LIMS1: variants seen among roughly 807,000 people sequenced by gnomAD.
The protein encoded by LIMS1 is LIM zinc finger domain containing 1, also known as LIM and senescent cell antigen-like-containing domain protein 1.
Under a neutral mutation model 44.1 loss-of-function variants are expected in LIMS1, and 18 were observed. The observed-to-expected ratio is 0.41, with a 90% CI of 0.28 to 0.61. The LOEUF (loss-of-function observed/expected upper bound fraction) is 0.61. Among genes scored for constraint, LIMS1 ranks in the 20% least tolerant of loss-of-function variants. The probability of loss-of-function intolerance (pLI) is 0.32; values close to 1 mark genes in which losing one functional copy is unlikely to be tolerated. For missense variants in LIMS1, 201 were observed against 422.0 expected, an observed-to-expected ratio of 0.48 and a Z score of 4.59; for synonymous variants, 93 against 149.1, an observed-to-expected ratio of 0.62 and a Z score of 2.74.
intron 1 of LIMS1, among the ~76,000 whole-genome samples, chr2:108,547,698 C>T (rs893309609): frequency 3.3e-5 from 5 of 152,314 alleles, no homozygotes; most frequent in African/African-American, 9.6e-5. Flanking sequence ...TCATTCTCCA[C>T]TTTCAAATTT....
intron 1 of LIMS1, among the ~76,000 whole-genome samples, chr2:108,542,043 A>G (rs1034110454): frequency 4.6e-5 from 7 of 152,244 alleles, no homozygotes; most frequent in Admixed American, 2.0e-4. Flanking sequence ...CAAGCTGCAC[A>G]GTAGGCTTTA....
chr2:108,557,845 A>T (rs1297751070), intron 1 of LIMS1, among the ~76,000 whole-genome samples: 1 of 152,214 alleles, frequency 6.6e-6, no homozygotes, highest in African/African-American at 2.4e-5. Flanking sequence ...CAAAGATTTA[A>T]GTGAACATGA....
intron 1 of LIMS1, among the ~76,000 whole-genome samples, chr2:108,624,243 C>T (rs796349465): frequency 9.2e-5 from 14 of 152,358 alleles, no homozygotes; most frequent in African/African-American, 3.4e-4. Context: ...CATGTACCTA[C>T]ACTTACTCCT....
In LIMS1 at chr2:108,680,615, T is replaced by C; in HGVS notation, c.824-80T>C. On this transcript the variant is annotated intron_variant, in intron 8 of 9. Transcript: ENST00000544547. ...CCACAGACACAGTCGTAGTTCTGTT[T>C]TGGAGTTGAAATTCTAAGCTGCCCT... 4 of 1,609,804 alleles carry C rather than the reference T, an allele frequency of 2.5e-6. No homozygotes were observed. In the South Asian group the frequency reaches 3.3e-5, roughly 13 times the overall value.
At chr2:108,607,055 G>T in intron 1 of LIMS1, 1 of 620,230 alleles carries the variant, frequency 1.6e-6, no homozygotes, top group Non-Finnish European at 2.8e-6. Context: ...TTAGGAGGTG[G>T]AGCCTTTGGA....
In LIMS1 at chr2:108,663,745, TTTTTTA is replaced by T. The variant is rs552882557; in HGVS notation, c.192+3999_192+4004del. 6.4e-3 allele frequency among the ~76,000 whole-genome samples: 969 copies of T among 152,104 alleles called. 10 individuals carry two copies. Among genetic ancestry groups the T allele is most frequent in the African/African-American group, 0.021 (875 of 41,532 alleles). ...TAACAGTAAAGACCCATTTTTTTAATTTTTTATTTTTATTTTTATTTTTTTTGAGAC... is the reference window on the plus strand; with the variant it reads ...TAACAGTAAAGACCCATTTTTTTAATTTTTTATTTTTATTTTTTTTGAGAC... On this transcript the variant is annotated intron_variant, in intron 2 of 9. Coordinates refer to ENST00000544547, the Ensembl canonical transcript of LIMS1.
intron 1 of LIMS1, among the ~76,000 whole-genome samples, chr2:108,566,555 T>A (rs577177307): frequency 3.9e-5 from 6 of 152,338 alleles, no homozygotes; most frequent in African/African-American, 9.6e-5. Flanking sequence ...CAGTGTATCA[T>A]GCTGCTGTTG....
At chr2:108,669,146 C>G (rs927778795) in intron 2 of LIMS1, among the ~76,000 whole-genome samples, 1 of 152,220 alleles carries the variant, frequency 6.6e-6, no homozygotes, top group African/African-American at 2.4e-5. Context: ...GTAGCTCACA[C>G]CTGTAATCCC....
chr2:108,541,879 T>A (rs559712444), intron 1 of LIMS1, among the ~76,000 whole-genome samples: 12 of 152,354 alleles, frequency 7.9e-5, no homozygotes, highest in African/African-American at 2.9e-4. Context: ...GCTTTTTCTG[T>A]TTTCCCAAAG....
intron 1 of LIMS1, among the ~76,000 whole-genome samples, chr2:108,589,785 C>T (rs555897401): frequency 6.6e-6 from 1 of 151,866 alleles, no homozygotes; most frequent in Admixed American, 6.6e-5. Context: ...TTTTCTTTAT[C>T]TCGATAGTTG....
At chr2:108,673,247 G>C in intron 5 of LIMS1, 1 of 668,916 alleles carries the variant, frequency 1.5e-6, no homozygotes, top group Non-Finnish European at 2.5e-6. Context: ...TGTGTATACA[G>C]TCCACATTCT....
intron 1 of LIMS1, among the ~76,000 whole-genome samples, chr2:108,549,279 CTTTTTTTTTTTTT>C (rs71381966): frequency 1.0e-3 from 58 of 55,798 alleles, no homozygotes; most frequent in Non-Finnish European, 1.2e-3. Context: ...TAAAGTGTTT[CTTTTTTTTTTTTT>C]TTTTTTTTTT....
intron 1 of LIMS1, among the ~76,000 whole-genome samples, chr2:108,582,148 AG>A (rs1401940108): frequency 1.3e-5 from 2 of 152,218 alleles, no homozygotes; most frequent in African/African-American, 4.8e-5. Context: ...CGGTTCCCTT[AG>A]GTACTTCAGT....
At chr2:108,562,709 T>A (rs886765096) in intron 1 of LIMS1, among the ~76,000 whole-genome samples, 1 of 152,190 alleles carries the variant, frequency 6.6e-6, no homozygotes, top group Admixed American at 6.5e-5. Context: ...CAGGTGCTGA[T>A]GTAGAAGGTG....
intron 1 of LIMS1, among the ~76,000 whole-genome samples, chr2:108,634,460 C>A (rs1414831750): frequency 6.6e-6 from 1 of 152,108 alleles, no homozygotes; most frequent in Non-Finnish European, 1.5e-5. Flanking sequence ...TTTCTCAATC[C>A]CCTCAGAAAA....
intron 2 of LIMS1, chr2:108,662,534 T>A: frequency 7.8e-7 from 1 of 1,282,714 alleles, no homozygotes; most frequent in East Asian, 3.0e-5. Flanking sequence ...TGAGGAAGAT[T>A]ACTATTTTGG....
intron 1 of LIMS1, among the ~76,000 whole-genome samples, chr2:108,636,856 A>G (rs1689288810): frequency 2.0e-5 from 3 of 152,042 alleles, no homozygotes; most frequent in Non-Finnish European, 4.4e-5. Flanking sequence ...GAACAAGAGG[A>G]GTGACTGAGG....
exon 10 of LIMS1, chr2:108,684,524 C>CA (rs1558848186): frequency 6.6e-6 from 1 of 151,970 alleles, no homozygotes; most frequent in Non-Finnish European, 1.5e-5. Flanking sequence ...ATTACTAAGA[C>CA]AAAAAACAAG....
chr2:108,553,894 G>C (rs1352905375), intron 1 of LIMS1, among the ~76,000 whole-genome samples: 1 of 152,180 alleles, frequency 6.6e-6, no homozygotes, highest in Non-Finnish European at 1.5e-5. Flanking sequence ...TCTACCATAC[G>C]GAGAACTTCG....
Sources: gnomAD v4.1 joint callset for allele counts (sites outside exome capture counted in the v4.1 genomes callset) on GRCh38, gnomAD v4.1.1 for gene constraint, MANE v1.5 for transcripts, NCBI Gene and HGNC (gene_info 2026-07-23, HGNC 2026-07-21) for gene names.